MCOLN3: variants seen among roughly 807,000 people sequenced by gnomAD.
The protein encoded by MCOLN3 is mucolipin-3.
MCOLN3 carries 62 observed loss-of-function variants against 69.4 expected under a neutral mutation model. The ratio of observed to expected loss-of-function variants is 0.89; its 90% confidence interval spans 0.73 to 1.10. The LOEUF (loss-of-function observed/expected upper bound fraction) is 1.10. Among genes scored for constraint, MCOLN3 ranks in the 50% least tolerant of loss-of-function variants. MCOLN3 has a pLI of 0.00. For synonymous variants in MCOLN3, 183 were observed against 217.0 expected (o/e 0.84, Z 1.38); for missense variants, 564 against 656.4 (o/e 0.86, Z 1.54).
rs1571084533 is a variant in MCOLN3 at position 85,021,222 on chromosome 1, C to T, written c.1375G>A (p.Asp459Asn). 6.2e-7 allele frequency: 1 copy of T among 1,613,862 alleles called. No individual in the cohort carries two copies. The highest frequency in any genetic ancestry group is 8.5e-7 in the Non-Finnish European group (1 of 1,179,874). Residue 459 changes from aspartate to asparagine, a missense_variant, in exon 12 of 13, where the codon GAT becomes AAT. Physicochemically the swap from Asp to Asn is conservative, Grantham distance 23. Transcript: ENST00000370589. ...ECLFSLINGD[D>N]MFATFAKMQQ... The stretch of plus-strand genomic sequence containing the variant: ...ATTTTTGCAAACGTGGCAAACATAT[C>T]ATCTCCATTTATCAGAGAGAAAAGG...
At chr1:85,037,002 A>G (rs149916658) in intron 3 of MCOLN3, 1 of 152,148 alleles carries the variant, frequency 6.6e-6, no homozygotes, top group Non-Finnish European at 1.5e-5. Context: ...GTGCTCAAAT[A>G]TTTGTCAGAT....
At chr1:85,031,525 T>G (rs1206739136) in intron 6 of MCOLN3, among the ~76,000 whole-genome samples, 1 of 152,072 alleles carries the variant, frequency 6.6e-6, no homozygotes, top group African/African-American at 2.4e-5. Flanking sequence ...ATTCGTAAAA[T>G]TTTTATTTAA....
chr1:85,033,839 A>G (rs774374955), intron 4 of MCOLN3, among the ~76,000 whole-genome samples: 1 of 152,164 alleles, frequency 6.6e-6, no homozygotes, highest in Non-Finnish European at 1.5e-5. Context: ...TCTTTGGCAG[A>G]TCATTTAACT....
chr1:85,019,400 G>T (rs1571081453), intron 12 of MCOLN3, 143 bp from the exon 13 acceptor site: 7 of 764,524 alleles, frequency 9.2e-6, no homozygotes. Flanking sequence ...CAAAGGAGAT[G>T]TAGCCTCTAG....
intron 1 of MCOLN3, among the ~76,000 whole-genome samples, 174 bp from the exon 2 acceptor site, chr1:85,045,536 G>A (rs1653306803): frequency 6.6e-6 from 1 of 152,158 alleles, no homozygotes; most frequent in Admixed American, 6.5e-5. Flanking sequence ...TCCAATGTAG[G>A]ACGTCACTTT....
intron 6 of MCOLN3, among the ~76,000 whole-genome samples, chr1:85,030,459 A>G (rs1417372394): frequency 1.3e-5 from 2 of 152,236 alleles, no homozygotes; most frequent in African/African-American, 2.4e-5. Context: ...TGAGACATAA[A>G]ACAAACAGAT....
chr1:85,029,059 A>T, intron 7 of MCOLN3, 47 bp downstream of exon 7: 1 of 1,214,460 alleles, frequency 8.2e-7, no homozygotes, highest in South Asian at 1.3e-5. Context: ...TAACCATTTT[A>T]CATTATTTAA....
intron 4 of MCOLN3, among the ~76,000 whole-genome samples, chr1:85,033,366 C>T (rs1030275528): frequency 1.3e-5 from 2 of 151,964 alleles, no homozygotes; most frequent in African/African-American, 2.4e-5. Flanking sequence ...TATGCACTAA[C>T]AATGTTTCTT....
chr1:85,034,290 C>A (rs757210334), intron 3 of MCOLN3, 39 bp from the exon 4 acceptor site: 1 of 1,611,508 alleles, frequency 6.2e-7, no homozygotes, highest in Middle Eastern at 1.7e-4. Flanking sequence ...GGAATGCCAG[C>A]CAGGGCAGGA....
chr1:85,030,962 T>C (rs1477024078), intron 6 of MCOLN3, among the ~76,000 whole-genome samples: 1 of 151,286 alleles, frequency 6.6e-6, no homozygotes, highest in South Asian at 2.1e-4. Context: ...TAAATAAGAG[T>C]TCGTTAATAG....
rs1436220506 is a variant in MCOLN3, at chr1:85,040,904, A to G, written c.396+106T>C. On this transcript the variant is annotated intron_variant, in intron 3 of 12. Transcript: ENST00000370589. ...TTTGTATGTGTCATTTCCAAGCAGAAATGTTCACCCTTCTCCACTTGAATG... is the reference window on the plus strand; with the variant it reads ...TTTGTATGTGTCATTTCCAAGCAGAGATGTTCACCCTTCTCCACTTGAATG... 8.6e-6 allele frequency: 9 copies of G among 1,046,590 alleles called. No individual in the cohort carries two copies. In the African/African-American group the frequency reaches 1.3e-4, roughly 16 times the overall value. The allele number at this position is 1,046,590 out of a possible 1,614,324, so 64.8% of individuals were successfully genotyped here. A position where few individuals can be genotyped will look rare whatever the true frequency, so the allele number is the denominator to read the frequency against.
rs1238420212 is a variant in MCOLN3, at chr1:85,048,449, G to T, written c.-56C>A. On this transcript the variant is annotated 5_prime_UTR_variant, in exon 1 of 13. Transcript: ENST00000370589. ...TCCGGTGTCCGCGGCGAGGGCGCAG[G>T]GCGAGTCAGCGAGCGACTCCAGCAG... 1 of 152,118 alleles carries T rather than the reference G, an allele frequency of 6.6e-6. No individual in the cohort carries two copies. Among genetic ancestry groups the T allele is most frequent in the Non-Finnish European group, 1.5e-5 (1 of 68,050 alleles). 9.4% of individuals were successfully genotyped at this position (152,118 alleles called of 1,614,324 possible).
In MCOLN3 at chr1:85,026,071, G is replaced by GA. The variant is rs1202542994; in HGVS notation, c.962dup (p.Leu322ProfsTer5). 2 of 1,601,692 alleles carry GA rather than the reference G, an allele frequency of 1.2e-6. No homozygotes were observed. Among genetic ancestry groups the GA allele is most frequent in the Non-Finnish European group, 1.7e-6 (2 of 1,174,132 alleles). ...AAACTTCCTTCTTATAATGGAGGAG[G>GA]AAAAAATTGACAAACTCCTTTAGGG... On this transcript the variant is annotated frameshift_variant, in exon 9 of 13. Coordinates refer to ENST00000370589, the MANE Select transcript of MCOLN3 (RefSeq NM_018298.11). LOFTEE classifies it high-confidence loss of function.
chr1:85,023,978 C>T (rs1652089762), intron 9 of MCOLN3, among the ~76,000 whole-genome samples: 1 of 152,062 alleles, frequency 6.6e-6, no homozygotes, highest in Admixed American at 6.6e-5. Flanking sequence ...CATGAGAGGA[C>T]ACTGAAAAGA....
chr1:85,023,738 A>G (rs1157186703), intron 9 of MCOLN3, among the ~76,000 whole-genome samples: 1 of 152,226 alleles, frequency 6.6e-6, no homozygotes, highest in African/African-American at 2.4e-5. Flanking sequence ...TTACCAAGAC[A>G]GTGGCAGAAA....
chr1:85,034,323 TC>T, intron 3 of MCOLN3, 72 bp from the exon 4 acceptor site: 1 of 1,491,752 alleles, frequency 6.7e-7, no homozygotes, highest in Non-Finnish European at 9.3e-7. Context: ...CTCCCCTCCC[TC>T]CCCACCTCTG....
intron 3 of MCOLN3, among the ~76,000 whole-genome samples, chr1:85,036,222 C>T (rs1371108534): frequency 6.6e-6 from 1 of 152,172 alleles, no homozygotes; most frequent in African/African-American, 2.4e-5. Flanking sequence ...GAGGGAGTCT[C>T]GCTCTGTCAC....
chr1:85,038,093 A>G (rs1406223075), intron 3 of MCOLN3, among the ~76,000 whole-genome samples: 3 of 152,320 alleles, frequency 2.0e-5, no homozygotes, highest in Middle Eastern at 6.8e-3. Context: ...TGATTCCCGG[A>G]AGACCCTGAG....
chr1:85,022,108 A>G lies in MCOLN3; in HGVS notation c.1282T>C (p.Phe428Leu), dbSNP rs757569535. 1.2e-6 allele frequency: 2 copies of G among 1,614,202 alleles called. No individual in the cohort carries two copies. Among genetic ancestry groups the G allele is most frequent in the South Asian group, 1.1e-5 (1 of 91,090 alleles). The change falls in exon 11 of 13, where the codon TTC becomes CTC. Residue 428 changes from phenylalanine to leucine, a missense_variant. Coordinates refer to ENST00000370589, the MANE Select transcript of MCOLN3 (RefSeq NM_018298.11). ...CAAMIYLGYC[F>L]CGWIVLGPYH... The stretch of plus-strand genomic sequence containing the variant: ...GGCCCCAGCACGATCCATCCACAGA[A>G]GCAGTAACCTAAGTAAATCATAGCT...
Sources: allele counts gnomAD v4.1 joint callset (sites outside exome capture counted in the v4.1 genomes callset), GRCh38; gene constraint gnomAD v4.1.1; transcripts MANE v1.5; gene names NCBI Gene and HGNC (gene_info 2026-07-23, HGNC 2026-07-21).